The following PPP3CC variants were observed in gnomAD, a reference collection of about 807,000 sequenced individuals.
PPP3CC encodes protein phosphatase 3 catalytic subunit gamma, also known as serine/threonine-protein phosphatase 2B catalytic subunit gamma isoform.
In PPP3CC, 35 loss-of-function variants were observed where a neutral mutation model predicts 60.3. That is an observed-to-expected ratio of 0.58 (90% CI 0.44 to 0.77). PPP3CC has a LOEUF of 0.77. Ranked by LOEUF, PPP3CC falls within the 30% of genes least tolerant of loss-of-function variation. The pLI, the probability that PPP3CC is intolerant of heterozygous loss-of-function variation, is 0.00. For synonymous variants in PPP3CC, 206 were observed against 224.3 expected, an observed-to-expected ratio of 0.92 and a Z score of 0.73; for missense variants, 570 against 628.9, an observed-to-expected ratio of 0.91 and a Z score of 1.00.
In PPP3CC at chr8:22,539,471, A is replaced by G; in HGVS notation, c.1324A>G (p.Thr442Ala). The G allele has an allele frequency of 6.2e-7, 1 of 1,614,016 alleles. No individual in the cohort carries two copies. Among genetic ancestry groups the G allele is most frequent in the Non-Finnish European group, 8.5e-7 (1 of 1,179,980 alleles). The change falls in exon 13 of 14, where the codon ACA becomes GCA. Residue 442 changes from threonine (T) to alanine (A), a missense_variant and splice_region_variant. By Grantham distance (58) the Thr-to-Ala change is moderately conservative. Coordinates refer to ENST00000240139, the MANE Select transcript of PPP3CC (RefSeq NM_005605.5). ...CTACTGCTCCTGCCCTCTTACAGCC[A>G]CAGTAGAAGCGGTAGAGGCCCGGGA... ...SGGKQTIETA[T>A]VEAVEAREAI...
chr8:22,469,116 AAT>A (rs1419013432), intron 1 of PPP3CC, among the ~76,000 whole-genome samples: 1 of 152,234 alleles, frequency 6.6e-6, no homozygotes, highest in East Asian at 1.9e-4. Flanking sequence ...GGATAAAGAA[AAT>A]ATGGTATATA....
At chr8:22,505,780 A>G (rs1167733133) in intron 4 of PPP3CC, among the ~76,000 whole-genome samples, 3 of 152,234 alleles carry the variant, frequency 2.0e-5, no homozygotes, top group African/African-American at 7.2e-5. Flanking sequence ...GTAAGTTGTG[A>G]AAAAGTAACT....
Position 22,512,665 on chromosome 8 carries a change from A to AAATAG in PPP3CC, c.631-627_631-623dup, listed in dbSNP as rs1839120956. Reference sequence around the variant, plus strand: ...ATTTTATATAGTCATAGTCTTTCTAAAATAGTATATCTCTATAGTGGTTGA... The same window carrying AAATAG: ...ATTTTATATAGTCATAGTCTTTCTAAAATAGAATAGTATATCTCTATAGTGGTTGA... On this transcript the variant is annotated intron_variant, in intron 5 of 13. Coordinates refer to ENST00000240139, the MANE Select transcript of PPP3CC (RefSeq NM_005605.5). Among the ~76,000 whole-genome samples the AAATAG allele has an allele frequency of 7.2e-5, 11 of 152,372 alleles. No homozygotes were observed. The South Asian group carries it at 2.3e-3, about 32-fold the overall frequency.
At chr8:22,447,906 T>C (rs1836880532) in intron 1 of PPP3CC, among the ~76,000 whole-genome samples, 1 of 152,224 alleles carries the variant, frequency 6.6e-6, no homozygotes, top group Non-Finnish European at 1.5e-5. Flanking sequence ...ACTGGATGGC[T>C]GGACAAGATA....
At chr8:22,476,955 A>T (rs186473577) in intron 3 of PPP3CC, among the ~76,000 whole-genome samples, 12 of 151,916 alleles carry the variant, frequency 7.9e-5, no homozygotes, top group Non-Finnish European at 1.5e-4. Context: ...AAAAAGTTCA[A>T]TGTTAGTTGC....
intron 4 of PPP3CC, among the ~76,000 whole-genome samples, chr8:22,501,065 G>A (rs537920101): frequency 6.6e-6 from 1 of 152,276 alleles, no homozygotes; most frequent in Admixed American, 6.5e-5. Flanking sequence ...GGCTGATTGA[G>A]GTGGGAGGAT....
chr8:22,465,625 A>C (rs1396568352), intron 1 of PPP3CC, among the ~76,000 whole-genome samples: 1 of 152,078 alleles, frequency 6.6e-6, no homozygotes, highest in African/African-American at 2.4e-5. Flanking sequence ...CCACTATGGG[A>C]TGATGCAGCA....
intron 3 of PPP3CC, among the ~76,000 whole-genome samples, chr8:22,483,205 T>G (rs1051361535): frequency 6.6e-6 from 1 of 152,216 alleles, no homozygotes; most frequent in East Asian, 1.9e-4. Flanking sequence ...AATTTTATAG[T>G]TTTGTATTAG....
At chr8:22,478,236 A>G (rs766554044) in intron 3 of PPP3CC, among the ~76,000 whole-genome samples, 3 of 151,440 alleles carry the variant, frequency 2.0e-5, no homozygotes, top group African/African-American at 4.8e-5. Flanking sequence ...AGTGCAACCT[A>G]TGCCTCCTGG....
At position 22,528,569 on chromosome 8, in the gene PPP3CC, AAGC is replaced by A. The variant is rs1197172255; in HGVS notation, c.1136_1138del (p.Ala379del). The A allele has an allele frequency of 5.2e-6, 8 of 1,545,304 alleles. No homozygotes were observed. In the Admixed American group the frequency reaches 5.4e-5, roughly 10 times the overall value. On this transcript the variant is annotated inframe_deletion, in exon 10 of 14. Transcript: ENST00000240139. Reference sequence around the variant, plus strand: ...GATGACGAACTGATTTCTGATGATGAAGCAGAAGGTAAACTTTTCCTCCTTTGA... The same window carrying A: ...GATGACGAACTGATTTCTGATGATGAAGAAGGTAAACTTTTCCTCCTTTGA...
intron 4 of PPP3CC, among the ~76,000 whole-genome samples, chr8:22,500,615 A>G (rs532181766): frequency 6.6e-6 from 1 of 152,338 alleles, no homozygotes; most frequent in South Asian, 2.1e-4. Context: ...TGCTACCAGT[A>G]TCTTCTTACA....
At chr8:22,531,345 T>G in intron 10 of PPP3CC, 1 of 1,521,566 alleles carries the variant, frequency 6.6e-7, no homozygotes. Flanking sequence ...GACTAAACTG[T>G]GCTAAGAGCT....
intron 1 of PPP3CC, among the ~76,000 whole-genome samples, chr8:22,460,248 G>C (rs2132445412): frequency 6.6e-6 from 1 of 152,220 alleles, no homozygotes; most frequent in Middle Eastern, 3.4e-3. Flanking sequence ...AGATAGGATA[G>C]TTTGAAAGAT....
chr8:22,493,818 A>G (rs1378785891), intron 3 of PPP3CC, among the ~76,000 whole-genome samples: 5 of 152,206 alleles, frequency 3.3e-5, no homozygotes, highest in Admixed American at 3.3e-4. Context: ...CTTGAAAGTA[A>G]TTATTAAAAG....
intron 6 of PPP3CC, among the ~76,000 whole-genome samples, chr8:22,520,441 C>T (rs917849558): frequency 6.6e-6 from 1 of 152,100 alleles, no homozygotes. Flanking sequence ...CTCCCATATG[C>T]CTGTATTATT....
At chr8:22,477,697 G>A (rs1257160689) in intron 3 of PPP3CC, among the ~76,000 whole-genome samples, 8 of 152,084 alleles carry the variant, frequency 5.3e-5, no homozygotes, top group African/African-American at 1.7e-4. Context: ...GCTATACACA[G>A]GTGCGATCAT....
chr8:22,522,814 A>G, intron 8 of PPP3CC, 65 bp downstream of exon 8: 3 of 1,129,666 alleles, frequency 2.7e-6, no homozygotes, highest in Non-Finnish European at 3.9e-6. Flanking sequence ...GTTTAATTGT[A>G]TGTACGTATG....
At chr8:22,444,580 C>G (rs1422322324) in intron 1 of PPP3CC, among the ~76,000 whole-genome samples, 1 of 152,174 alleles carries the variant, frequency 6.6e-6, no homozygotes, top group Non-Finnish European at 1.5e-5. Flanking sequence ...ACAGTTCTGT[C>G]TGGTACTCCC....
At chr8:22,445,625 T>C (rs1236497870) in intron 1 of PPP3CC, among the ~76,000 whole-genome samples, 1 of 152,216 alleles carries the variant, frequency 6.6e-6, no homozygotes, top group East Asian at 1.9e-4. Flanking sequence ...TCCATAATGG[T>C]TTCAATCAGC....
Sources: gnomAD v4.1 joint callset for allele counts (sites outside exome capture counted in the v4.1 genomes callset) on GRCh38, gnomAD v4.1.1 for gene constraint, MANE v1.5 for transcripts, NCBI Gene and HGNC (gene_info 2026-07-23, HGNC 2026-07-21) for gene names.